Variants in RAB42 observed in about 807,000 individuals in gnomAD.
The protein encoded by RAB42 is RAB42, member RAS oncogene family.
A neutral mutation model predicts 7.5 loss-of-function variants in RAB42; 4 were observed. That is an observed-to-expected ratio of 0.53 (90% CI 0.26 to 1.22). The LOEUF is 1.22. Among genes scored for constraint, RAB42 ranks in the 50% most tolerant of loss-of-function variants. The pLI is 0.13. For missense variants in RAB42, 208 were observed against 281.2 expected (o/e 0.74, Z 1.86); for synonymous variants, 82 against 129.0 (o/e 0.64, Z 2.47).
downstream of RAB42, among the ~76,000 whole-genome samples, chr1:28,596,486 G>A (rs1253263981): frequency 6.6e-6 from 1 of 152,132 alleles, no homozygotes; most frequent in African/African-American, 2.4e-5. Context: ...GCTGGACATG[G>A]TGGCATGTAC....
chr1:28,592,739 C>A lies in RAB42; in HGVS notation c.228C>A (p.Arg76=). The part of the protein sequence containing the change: ...LQLWDTAGHE[R]FRCITRSFYR... ...TCTGGGACACCGCGGGCCACGAGCG[C>A]TTCAGGTGCGGGTAGCCGGGGCGCG... is the stretch of plus-strand genomic sequence containing the variant. Residue 76 remains arginine, a synonymous_variant, in exon 1 of 2, where the codon CGC becomes CGA. Coordinates refer to ENST00000465518, the MANE Select transcript of RAB42 (RefSeq NM_001193532.3). The surrounding 1 kb of genome is among the most constrained non-coding windows in gnomAD (Gnocchi z 4.1). 7 of 1,227,074 alleles carry A rather than the reference C, an allele frequency of 5.7e-6. No homozygotes were observed. Among genetic ancestry groups the A allele is most frequent in the Non-Finnish European group, 7.1e-6 (7 of 984,016 alleles). The allele number at this position is 1,227,074 out of a possible 1,614,324, so 76.0% of individuals were successfully genotyped here.
In RAB42 at chr1:28,594,649, CCTAT is replaced by C. The variant is rs1407558427; in HGVS notation, c.*538_*541del. The C allele has an allele frequency of 1.2e-5, 2 of 167,344 alleles. No homozygotes were observed. Among genetic ancestry groups the C allele is most frequent in the South Asian group, 2.1e-4 (1 of 4,854 alleles). 10.4% of individuals were successfully genotyped at this position (167,344 alleles called of 1,614,324 possible). ...CTTCCTGTCCTTGAGCCTCAGTGTC[CCTAT>C]CTATCGATGGGGCTCATAAAAGATC... is the stretch of plus-strand genomic sequence containing the variant. On this transcript the variant is annotated 3_prime_UTR_variant, in exon 2 of 2. Transcript: ENST00000465518.
rs1303307785 is a variant in RAB42, at chr1:28,593,647, G to A, written c.234-47G>A. On this transcript the variant is annotated intron_variant, in intron 1 of 1. Coordinates refer to ENST00000465518, the MANE Select transcript of RAB42 (RefSeq NM_001193532.3). The stretch of plus-strand genomic sequence containing the variant: ...GTCCTGCCTCTGGGGGTGTCATGGA[G>A]GCATCAGCCTCTCCCAGCTTACCTT... 4.0e-6 allele frequency: 6 copies of A among 1,493,918 alleles called. No homozygotes were observed. In the East Asian group the frequency reaches 1.5e-4, roughly 37 times the overall value. 92.5% of individuals were successfully genotyped at this position (1,493,918 alleles called of 1,614,324 possible). A position where few individuals can be genotyped will look rare whatever the true frequency, so the allele number is the denominator to read the frequency against.
At chr1:28,593,370 A>AT (rs1271085945) in intron 1 of RAB42, among the ~76,000 whole-genome samples, 1 of 151,768 alleles carries the variant, frequency 6.6e-6, no homozygotes, top group Non-Finnish European at 1.5e-5. Context: ...CGCCCGGCTA[A>AT]TTTTTTTGTA....
In RAB42 at chr1:28,592,445, C is replaced by A; in HGVS notation, c.-67C>A. ...GAGCGGGGGGCGGCGCCGGCGGGGC[C>A]CCGGGCAGGGGCGGGGTCGGGGCGC... On this transcript the variant is annotated 5_prime_UTR_variant, in exon 1 of 2. Transcript: ENST00000465518. The surrounding 1 kb of genome is among the most constrained non-coding windows in gnomAD (Gnocchi z 4.1). 1.2e-6 allele frequency: 1 copy of A among 847,180 alleles called. No individual in the cohort carries two copies. The highest frequency in any genetic ancestry group is 1.5e-6 in the Non-Finnish European group (1 of 666,298). The allele number at this position is 847,180 out of a possible 1,614,324, so 52.5% of individuals were successfully genotyped here.
chr1:28,592,378 G>C lies in RAB42; in HGVS notation c.-134G>C, dbSNP rs1482751655. The C allele has an allele frequency of 3.9e-6, 1 of 258,574 alleles. No individual in the cohort carries two copies. Among genetic ancestry groups the C allele is most frequent in the Non-Finnish European group, 6.7e-6 (1 of 148,544 alleles). 16.0% of individuals were successfully genotyped at this position (258,574 alleles called of 1,614,324 possible). A position where few individuals can be genotyped will look rare whatever the true frequency, so the allele number is the denominator to read the frequency against. On this transcript the variant is annotated 5_prime_UTR_variant, in exon 1 of 2. Transcript: ENST00000465518. The surrounding 1 kb of genome is among the most constrained non-coding windows in gnomAD (Gnocchi z 4.1). The stretch of plus-strand genomic sequence containing the variant: ...TTGGCCAGGAGTTTCCACTCGGTCC[G>C]ACGCCCTCGGTGCCCCGCCGGGTAC...
At chr1:28,595,657 A>C (rs1445534826), downstream of RAB42, among the ~76,000 whole-genome samples, 2 of 152,214 alleles carry the variant, frequency 1.3e-5, no homozygotes, top group Non-Finnish European at 2.9e-5. Context: ...CTGTAATCCC[A>C]GCACTTTCGG....
At chr1:28,593,501 C>T (rs1045219291) in intron 1 of RAB42, among the ~76,000 whole-genome samples, 193 bp from the exon 2 acceptor site, 7 of 152,286 alleles carry the variant, frequency 4.6e-5, no homozygotes, top group East Asian at 3.9e-4. Flanking sequence ...CGTGAGCCAC[C>T]GCACCCGGCC....
rs1666330599 is a variant in RAB42 at position 28,592,417 on chromosome 1, G to C, written c.-95G>C. ...CCCGCCGGGTACGGTGGCTGGGCGC[G>C]GGGAGCGGGGGGCGGCGCCGGCGGG... On this transcript the variant is annotated 5_prime_UTR_variant, in exon 1 of 2. Transcript: ENST00000465518. This position sits in a 1 kb window ranked among gnomAD's most constrained non-coding sequence, Gnocchi z 4.1. The C allele has an allele frequency of 2.0e-6, 1 of 489,460 alleles. No homozygotes were observed. The highest frequency in any genetic ancestry group is 8.9e-5 in the South Asian group (1 of 11,296). 30.3% of individuals were successfully genotyped at this position (489,460 alleles called of 1,614,324 possible).
Position 28,593,885 on chromosome 1 carries a change from A to T in RAB42, c.425A>T (p.Gln142Leu), listed in dbSNP as rs753505515. ...DLQSTRCVSA[Q>L]EAEELAASLG... The stretch of plus-strand genomic sequence containing the variant: ...CAGAGCACCCGCTGTGTCTCAGCCC[A>T]GGAGGCCGAGGAGCTAGCTGCCTCC... Residue 142 changes from glutamine to leucine, a missense_variant, in exon 2 of 2, where the codon CAG (glutamine) becomes CTG (leucine). Transcript: ENST00000465518. The T allele has an allele frequency of 4.3e-6, 7 of 1,609,286 alleles. No individual in the cohort carries two copies. In the African/African-American group the frequency reaches 8.0e-5, roughly 18 times the overall value.
chr1:28,596,030 C>T (rs1276249716), downstream of RAB42, among the ~76,000 whole-genome samples: 1 of 152,130 alleles, frequency 6.6e-6, no homozygotes, highest in Non-Finnish European at 1.5e-5. Flanking sequence ...GATAATCCCT[C>T]CCTCCTAGGG....
chr1:28,593,662 C>T (rs1666368799), intron 1 of RAB42, 32 bp from the exon 2 acceptor site: 1 of 1,509,890 alleles, frequency 6.6e-7, no homozygotes, highest in Non-Finnish European at 8.9e-7. Flanking sequence ...CAGCCTCTCC[C>T]AGCTTACCTT....
chr1:28,592,708 T>C lies in RAB42; in HGVS notation c.197T>C (p.Leu66Pro), dbSNP rs967793770. The change falls in exon 1 of 2, where the codon CTG becomes CCG. Residue 66 changes from leucine (L) to proline (P), a missense_variant. Transcript: ENST00000465518. This position sits in a 1 kb window ranked among gnomAD's most constrained non-coding sequence, Gnocchi z 4.1. ...LQLRAGPRVK[L>P]QLWDTAGHER... The stretch of plus-strand genomic sequence containing the variant: ...CTGCGGGCCGGGCCGCGGGTCAAGC[T>C]GCAACTCTGGGACACCGCGGGCCAC... 1.1e-5 allele frequency: 14 copies of C among 1,229,402 alleles called. No individual in the cohort carries two copies. The highest frequency in any genetic ancestry group is 1.6e-5 in the African/African-American group (1 of 64,024). 76.2% of individuals were successfully genotyped at this position (1,229,402 alleles called of 1,614,324 possible). A position where few individuals can be genotyped will look rare whatever the true frequency, so the allele number is the denominator to read the frequency against.
At chr1:28,593,624 C>A (rs1302907355) in intron 1 of RAB42, 70 bp from the exon 2 acceptor site, 3 of 1,443,996 alleles carry the variant, frequency 2.1e-6, no homozygotes, top group Non-Finnish European at 2.8e-6. Flanking sequence ...GGGAGGAGGT[C>A]CTGCCTCTGG....
intron 1 of RAB42, among the ~76,000 whole-genome samples, chr1:28,593,185 G>C (rs1282828990): frequency 2.6e-5 from 4 of 151,998 alleles, no homozygotes; most frequent in Admixed American, 2.0e-4. Context: ...CTCCCTAACT[G>C]GAGCACCCAG....
At position 28,592,528 on chromosome 1, in the gene RAB42, G is replaced by C; in HGVS notation, c.17G>C (p.Cys6Ser). 2 of 1,210,508 alleles carry C rather than the reference G, an allele frequency of 1.7e-6. No homozygotes were observed. Among genetic ancestry groups the C allele is most frequent in the Non-Finnish European group, 2.1e-6 (2 of 974,248 alleles). 75.0% of individuals were successfully genotyped at this position (1,210,508 alleles called of 1,614,324 possible). A position where few individuals can be genotyped will look rare whatever the true frequency, so the allele number is the denominator to read the frequency against. The change falls in exon 1 of 2, where the codon TGC becomes TCC. Residue 6 changes from cysteine (C) to serine (S), a missense_variant. Physicochemically the swap from Cys to Ser is moderately radical, Grantham distance 112. Transcript: ENST00000465518. This position sits in a 1 kb window ranked among gnomAD's most constrained non-coding sequence, Gnocchi z 4.1. MEAEGCRYQFRVALLG... is the reference protein window; with the variant it reads MEAEGSRYQFRVALLG... Reference sequence around the variant, plus strand: ...GACGCGGCCATGGAGGCCGAGGGCTGCCGCTACCAATTTCGGGTCGCGCTG... The same window carrying C: ...GACGCGGCCATGGAGGCCGAGGGCTCCCGCTACCAATTTCGGGTCGCGCTG...
rs1233543124 is a variant in RAB42, at chr1:28,593,209, C to CT, written c.234-473dup. 5.5e-3 allele frequency among the ~76,000 whole-genome samples: 804 copies of CT among 145,414 alleles called. 6 individuals are homozygous for CT. Among genetic ancestry groups the CT allele is most frequent in the African/African-American group, 0.015 (609 of 40,058 alleles). On this transcript the variant is annotated intron_variant, in intron 1 of 1. Coordinates refer to ENST00000465518, the MANE Select transcript of RAB42 (RefSeq NM_001193532.3). ...TGGAGCACCCAGACTTTTTTCTTTTCTTTTTTTTTTTTGAGACGGAGTCTC... is the reference window on the plus strand; with the variant it reads ...TGGAGCACCCAGACTTTTTTCTTTTCTTTTTTTTTTTTTGAGACGGAGTCTC...
downstream of RAB42, among the ~76,000 whole-genome samples, chr1:28,596,408 G>A (rs908858221): frequency 3.9e-5 from 6 of 152,136 alleles, no homozygotes; most frequent in Admixed American, 3.3e-4. Context: ...ATCACCTGAA[G>A]TCAGGAGTTC....
chr1:28,594,733 C>G lies in RAB42; in HGVS notation c.*616C>G, dbSNP rs566377983. 1 of 167,098 alleles carries G rather than the reference C, an allele frequency of 6.0e-6. No homozygotes were observed. Among genetic ancestry groups the G allele is most frequent in the African/African-American group, 2.4e-5 (1 of 41,440 alleles). The allele number at this position is 167,098 out of a possible 1,614,324, so 10.4% of individuals were successfully genotyped here. A position where few individuals can be genotyped will look rare whatever the true frequency, so the allele number is the denominator to read the frequency against. ...TGAGACAGTGGACAGGATGTGCTCA[C>G]CCAGAGCCTGCCGCGCTGTGAATTG... On this transcript the variant is annotated 3_prime_UTR_variant, in exon 2 of 2. Coordinates refer to ENST00000465518, the MANE Select transcript of RAB42 (RefSeq NM_001193532.3).
Sources: allele counts gnomAD v4.1 joint callset (sites outside exome capture counted in the v4.1 genomes callset), GRCh38; gene constraint gnomAD v4.1.1; non-coding constraint Gnocchi (gnomAD v3.1); transcripts MANE v1.5; gene names NCBI Gene and HGNC (gene_info 2026-07-23, HGNC 2026-07-21).